The following APC2 variants were observed in gnomAD, a reference collection of about 807,000 sequenced individuals.
APC2 encodes adenomatous polyposis coli protein 2.
APC2 carries 41 observed loss-of-function variants against 72.5 expected under a neutral mutation model. The observed-to-expected ratio is 0.57, with a 90% CI of 0.44 to 0.73. The LOEUF (loss-of-function observed/expected upper bound fraction) is 0.73. APC2 is among the 30% of genes least tolerant of loss of function. The pLI is 0.00. For missense variants in APC2, 3,729 were observed against 3,403.4 expected, an observed-to-expected ratio of 1.10 and a Z score of -2.38; for synonymous variants, 1,898 against 1,612.0, an observed-to-expected ratio of 1.18 and a Z score of -4.25.
Position 1,465,232 on chromosome 19 carries a change from A to C in APC2, c.1931A>C (p.Asn644Thr). The change falls in exon 15 of 15, where the codon AAC (asparagine) becomes ACC (threonine). Residue 644 changes from asparagine (N) to threonine (T), a missense_variant. Physicochemically the swap from Asn to Thr is moderately conservative, Grantham distance 65 (BLOSUM62 0). Coordinates refer to ENST00000590469, the MANE Select transcript of APC2 (RefSeq NM_005883.3). The stretch of plus-strand genomic sequence containing the variant: ...TCGCACAGCCTGACCATCGTGAGCA[A>C]CGCGTGCGGCACGCTCTGGAACCTG... ...LTSHSLTIVSNACGTLWNLSA... is the reference protein window; with the variant it reads ...LTSHSLTIVSTACGTLWNLSA... 6.2e-7 allele frequency: 1 copy of C among 1,610,686 alleles called. No homozygotes were observed. The highest frequency in any genetic ancestry group is 8.5e-7 in the Non-Finnish European group (1 of 1,179,630).
In APC2 at chr19:1,472,930, G is replaced by A. The variant is rs923541147; in HGVS notation, c.*2717G>A. ...AGTGACCGCCACTGGCCCCCAACAT[G>A]ACCACACGTGGGTGCTGAACTCGGG... On this transcript the variant is annotated 3_prime_UTR_variant, in exon 15 of 15. Coordinates refer to ENST00000590469, the MANE Select transcript of APC2 (RefSeq NM_005883.3). The A allele has an allele frequency of 3.9e-5, 6 of 152,330 alleles. No individual in the cohort carries two copies. Among genetic ancestry groups the A allele is most frequent in the African/African-American group, 1.4e-4 (6 of 41,448 alleles). The allele number at this position is 152,330 out of a possible 1,614,324, so 9.4% of individuals were successfully genotyped here. A position where few individuals can be genotyped will look rare whatever the true frequency, so the allele number is the denominator to read the frequency against.
In APC2 at chr19:1,467,558, C is replaced by T. The variant is rs1183038604; in HGVS notation, c.4257C>T (p.Pro1419=). The stretch of plus-strand genomic sequence containing the variant: ...TGCAGGGACCCCCCAGGGACCAGCC[C>T]GGGGGACCAGCGGGCAGGCAAAGAC... ...ETLQGPPRDQ[P]GGPAGRQRPT... Residue 1419 remains proline (P), a synonymous_variant, in exon 15 of 15, where the codon CCC becomes CCT. Coordinates refer to ENST00000590469, the MANE Select transcript of APC2 (RefSeq NM_005883.3). The T allele has an allele frequency of 2.0e-6, 3 of 1,509,990 alleles. No individual in the cohort carries two copies. The highest frequency in any genetic ancestry group is 1.8e-4 in the Middle Eastern group (1 of 5,642). 93.5% of individuals were successfully genotyped at this position (1,509,990 alleles called of 1,614,324 possible). A position where few individuals can be genotyped will look rare whatever the true frequency, so the allele number is the denominator to read the frequency against.
chr19:1,448,184 A>G (rs776846081), upstream of APC2, among the ~76,000 whole-genome samples: 1 of 151,650 alleles, frequency 6.6e-6, no homozygotes, highest in Non-Finnish European at 1.5e-5. Context: ...GCCCTACCCC[A>G]TGGCTCCACC....
At chr19:1,449,223 C>T (rs2083715329), upstream of APC2, among the ~76,000 whole-genome samples, 3 of 149,786 alleles carry the variant, frequency 2.0e-5, no homozygotes, top group Admixed American at 1.3e-4. Context: ...CTGCCCAGCA[C>T]GGAAAAAAAT....
At chr19:1,462,662 A>G (rs1027345000) in intron 14 of APC2, among the ~76,000 whole-genome samples, 4 of 143,110 alleles carry the variant, frequency 2.8e-5, no homozygotes, top group Non-Finnish European at 6.1e-5. Context: ...TCTCAAAAAA[A>G]AAAAAAAAAA....
intron 8 of APC2, among the ~76,000 whole-genome samples, chr19:1,456,614 G>A (rs1238881660): frequency 6.6e-6 from 1 of 152,162 alleles, no homozygotes; most frequent in East Asian, 1.9e-4. Flanking sequence ...GGCTAAGTGG[G>A]GCACCATAGA....
chr19:1,457,478 G>C (rs1288611030), intron 9 of APC2: 1 of 608,118 alleles, frequency 1.6e-6, no homozygotes, highest in Non-Finnish European at 2.7e-6. Context: ...TGGATGGATC[G>C]TGGGTAACTC....
At position 1,460,628 on chromosome 19, in the gene APC2, C is replaced by T. The variant is rs962888216; in HGVS notation, c.1444-152C>T. On this transcript the variant is annotated intron_variant, in intron 11 of 14. Coordinates refer to ENST00000590469, the MANE Select transcript of APC2 (RefSeq NM_005883.3). ...TGCCCCTGTCTGGGCCTCAGTTTCC[C>T]GACCTGAGCATGGGGTAACCGTCCC... The T allele has an allele frequency of 7.3e-5, 67 of 920,986 alleles. 1 individual carries two copies. Among genetic ancestry groups the T allele is most frequent in the South Asian group, 3.8e-4 (22 of 57,450 alleles). 57.1% of individuals were successfully genotyped at this position (920,986 alleles called of 1,614,324 possible). A position where few individuals can be genotyped will look rare whatever the true frequency, so the allele number is the denominator to read the frequency against.
chr19:1,453,571 C>G lies in APC2; in HGVS notation c.373C>G (p.Arg125Gly), dbSNP rs761738313. 11 of 1,609,982 alleles carry G rather than the reference C, an allele frequency of 6.8e-6. No individual in the cohort carries two copies. In the South Asian group the frequency reaches 1.2e-4, roughly 18 times the overall value. ...CAAGGACAGCTTTGGGGAGCTGAGC[C>G]GGGCCACCATCCGGCTGCTGGAGGA... ...PSKDSFGELS[R>G]ATIRLLEELD... Residue 125 changes from arginine to glycine, a missense_variant, in exon 4 of 15, where the codon CGG becomes GGG. By Grantham distance (125) the Arg-to-Gly change is moderately radical (BLOSUM62 -2). Transcript: ENST00000590469.
Position 1,469,868 on chromosome 19 carries a change from C to T in APC2, c.6567C>T (p.Ala2189=), listed in dbSNP as rs375186427. 45 of 1,522,626 alleles carry T rather than the reference C, an allele frequency of 3.0e-5. No individual in the cohort carries two copies. In the East Asian group the frequency reaches 3.8e-4, roughly 13 times the overall value. 94.3% of individuals were successfully genotyped at this position (1,522,626 alleles called of 1,614,324 possible). ...CCCCGCCGCGCAAGACCAGCGACGC[C>T]GTGGTCCAGACCGAGGAGGTCGCCG... The part of the protein sequence containing the change: ...AGPPPRKTSD[A]VVQTEEVAAP... Residue 2189 remains alanine (A), a synonymous_variant, in exon 15 of 15, where the codon GCC becomes GCT. Coordinates refer to ENST00000590469, the MANE Select transcript of APC2 (RefSeq NM_005883.3).
intron 6 of APC2, 39 bp from the exon 7 acceptor site, chr19:1,456,037 G>A (rs1344845003): frequency 6.7e-7 from 1 of 1,500,422 alleles, no homozygotes; most frequent in East Asian, 2.5e-5. Flanking sequence ...CCGGGGGCGG[G>A]GTCAGCTCCA....
chr19:1,448,072 A>G (rs1486328035), upstream of APC2, among the ~76,000 whole-genome samples: 1 of 152,150 alleles, frequency 6.6e-6, no homozygotes, highest in Non-Finnish European at 1.5e-5. Context: ...ACACAGGGAC[A>G]ACAAGGCTGA....
chr19:1,461,040 G>C lies in APC2; in HGVS notation c.1525G>C (p.Val509Leu). 1.2e-6 allele frequency: 2 copies of C among 1,613,940 alleles called. No homozygotes were observed. Among genetic ancestry groups the C allele is most frequent in the Non-Finnish European group, 1.7e-6 (2 of 1,180,010 alleles). ...ACTTGCCCCTCACCCCACCCAGGTG[G>C]TGTCCAGCATCCTTCGGAACTTGTC... ...ASDSEELHQV[V>L]SSILRNLSWR... is the part of the protein sequence containing the mutation. Residue 509 changes from valine (V) to leucine (L), a missense_variant, in exon 13 of 15, where the codon GTG (valine) becomes CTG (leucine). Coordinates refer to ENST00000590469, the MANE Select transcript of APC2 (RefSeq NM_005883.3).
rs2084065769 is a variant in APC2, at chr19:1,468,450, A to C, written c.5149A>C (p.Ile1717Leu). ...GGAGGCCTCGTCCGAGTCCGACTCC[A>C]TCCTGTCCTTCGTATCCGGGCTGTC... ...TREASSESDSILSFVSGLSVG... is the reference protein window; with the variant it reads ...TREASSESDSLLSFVSGLSVG... The change falls in exon 15 of 15, where the codon ATC (isoleucine) becomes CTC (leucine). Residue 1717 changes from isoleucine to leucine, a missense_variant. Ile to Leu is a conservative substitution (Grantham distance 5). Transcript: ENST00000590469. 11 of 1,596,726 alleles carry C rather than the reference A, an allele frequency of 6.9e-6. No individual in the cohort carries two copies. The highest frequency in any genetic ancestry group is 9.4e-6 in the Non-Finnish European group (11 of 1,173,190).
upstream of APC2, among the ~76,000 whole-genome samples, chr19:1,447,399 A>C (rs573913012): frequency 1.3e-5 from 2 of 152,280 alleles, no homozygotes; most frequent in African/African-American, 4.8e-5. Flanking sequence ...GGGAGGTGTC[A>C]CAGGACAGGG....
rs1555680137 is a variant in APC2 at position 1,473,071 on chromosome 19, GC to G, written c.*2860del. ...GCGCCTGGTCTGTCTGATTCCCCTA[GC>G]CGCCACCCCACGTTTCTGTACCGGG... On this transcript the variant is annotated 3_prime_UTR_variant, in exon 15 of 15. Coordinates refer to ENST00000590469, the MANE Select transcript of APC2 (RefSeq NM_005883.3). The G allele has an allele frequency of 6.6e-6, 1 of 152,304 alleles. No homozygotes were observed. The highest frequency in any genetic ancestry group is 1.5e-5 in the Non-Finnish European group (1 of 68,096). 9.4% of individuals were successfully genotyped at this position (152,304 alleles called of 1,614,324 possible).
intron 12 of APC2, 53 bp from the exon 13 acceptor site, chr19:1,460,984 G>T: frequency 6.2e-7 from 1 of 1,606,102 alleles, no homozygotes; most frequent in Non-Finnish European, 8.5e-7. Context: ...TTGCTGGGGG[G>T]TTTGGGGGGC....
upstream of APC2, among the ~76,000 whole-genome samples, chr19:1,448,802 C>T (rs2083710586): frequency 6.6e-6 from 1 of 150,686 alleles, no homozygotes; most frequent in Admixed American, 6.6e-5. Context: ...CGAGAACGTG[C>T]CACTGCACTC....
Position 1,469,127 on chromosome 19 carries a change from A to G in APC2, c.5826A>G (p.Pro1942=). The G allele has an allele frequency of 7.4e-7, 1 of 1,343,458 alleles. No homozygotes were observed. The highest frequency in any genetic ancestry group is 3.1e-5 in the East Asian group (1 of 32,286). 83.2% of individuals were successfully genotyped at this position (1,343,458 alleles called of 1,614,324 possible). ...AGAGGCCGGCCCGGCGTGGGCCGCC[A>G]CCGCTGGCTCGGGCAGTCCCGGAGC... ...FMQRPARRGP[P]PLARAVPEPG... is the part of the protein sequence containing the mutation. The change falls in exon 15 of 15, where the codon CCA becomes CCG. Residue 1942 remains proline, a synonymous_variant. Coordinates refer to ENST00000590469, the MANE Select transcript of APC2 (RefSeq NM_005883.3).
Sources: gnomAD v4.1 joint callset for allele counts (sites outside exome capture counted in the v4.1 genomes callset) on GRCh38, gnomAD v4.1.1 for gene constraint, MANE v1.5 for transcripts, NCBI Gene and HGNC (gene_info 2026-07-23, HGNC 2026-07-21) for gene names.